The following UGT2B4 variants were observed in gnomAD, a reference collection of about 807,000 sequenced individuals.
UGT2B4 encodes UDP glucuronosyltransferase family 2 member B4, also known as UDP-glucuronosyltransferase 2B4.
In UGT2B4, 49 loss-of-function variants were observed where a neutral mutation model predicts 49.8. That is an observed-to-expected ratio of 0.98 (90% confidence interval 0.78 to 1.25). UGT2B4 has a LOEUF of 1.25. Among genes scored for constraint, UGT2B4 ranks in the 50% most tolerant of loss-of-function variants. UGT2B4 has a pLI of 0.00. For missense variants in UGT2B4, 729 were observed against 627.7 expected, an observed-to-expected ratio of 1.16 and a Z score of -1.73; for synonymous variants, 246 against 217.7, an observed-to-expected ratio of 1.13 and a Z score of -1.14.
intron 4 of UGT2B4, among the ~76,000 whole-genome samples, chr4:69,485,857 G>A (rs1219734739): frequency 6.6e-6 from 1 of 152,154 alleles, no homozygotes; most frequent in Non-Finnish European, 1.5e-5. Context: ...CATCTCCTGG[G>A]TTCAGGCAGT....
chr4:69,486,762 C>G lies in UGT2B4; in HGVS notation c.1003-66G>C, dbSNP rs1162072841. Reference sequence around the variant, plus strand: ...TCAAAAGTCATAGAATGTTAGAAATCTAAAGAGATTAACAATGAGAAGAAC... The same window carrying G: ...TCAAAAGTCATAGAATGTTAGAAATGTAAAGAGATTAACAATGAGAAGAAC... On this transcript the variant is annotated intron_variant, in intron 3 of 5. Transcript: ENST00000305107. 2.4e-6 allele frequency: 3 copies of G among 1,240,932 alleles called. No homozygotes were observed. In the African/African-American group the frequency reaches 4.6e-5, roughly 19 times the overall value. The allele number at this position is 1,240,932 out of a possible 1,614,324, so 76.9% of individuals were successfully genotyped here.
intron 1 of UGT2B4, among the ~76,000 whole-genome samples, chr4:69,512,183 G>A (rs757411757): frequency 6.6e-6 from 1 of 151,124 alleles, no homozygotes; most frequent in Non-Finnish European, 1.5e-5. Flanking sequence ...TTCTGCCAAC[G>A]TTGGGCTTAG....
At chr4:69,481,982 C>T (rs2109801118) in intron 5 of UGT2B4, among the ~76,000 whole-genome samples, 1 of 152,308 alleles carries the variant, frequency 6.6e-6, no homozygotes, top group East Asian at 1.9e-4. Context: ...AAATCCAACT[C>T]TGTTATTTGG....
chr4:69,525,842 C>T, exon 1 of UGT2B4: 1 of 716,498 alleles, frequency 1.4e-6, no homozygotes, highest in Non-Finnish European at 1.9e-6. Flanking sequence ...TGGCTCACAC[C>T]GTTAATCCCA....
intron 1 of UGT2B4, among the ~76,000 whole-genome samples, chr4:69,508,870 A>C (rs9991662): frequency 0.59 from 88,749 of 151,484 alleles, 26,666 homozygotes; most frequent in East Asian, 0.75. Flanking sequence ...ATATATTTTA[A>C]GTGTAAAATA....
intron 1 of UGT2B4, among the ~76,000 whole-genome samples, chr4:69,505,852 G>A (rs1187970899): frequency 6.6e-6 from 1 of 152,100 alleles, no homozygotes; most frequent in Non-Finnish European, 1.5e-5. Context: ...AATTGAAAGT[G>A]TAACAAATAA....
chr4:69,493,025 G>A (rs190502229), intron 2 of UGT2B4, among the ~76,000 whole-genome samples: 67 of 152,086 alleles, frequency 4.4e-4, no homozygotes, highest in Admixed American at 7.9e-4. Flanking sequence ...CAACTCCTGA[G>A]GAGTATCTGG....
intron 1 of UGT2B4, among the ~76,000 whole-genome samples, chr4:69,521,512 G>A (rs1728848744): frequency 6.6e-6 from 1 of 152,204 alleles, no homozygotes; most frequent in South Asian, 2.1e-4. Flanking sequence ...GGTGCCTGGA[G>A]CTGCCCACCT....
intron 3 of UGT2B4, among the ~76,000 whole-genome samples, chr4:69,488,812 C>G (rs1270566381): frequency 1.3e-5 from 2 of 152,066 alleles, no homozygotes; most frequent in East Asian, 1.9e-4. Context: ...TCCAGTCCAG[C>G]AAAGCAGGCT....
chr4:69,487,795 T>C (rs1165254934), intron 3 of UGT2B4, among the ~76,000 whole-genome samples: 1 of 152,122 alleles, frequency 6.6e-6, no homozygotes, highest in East Asian at 1.9e-4. Context: ...AATAATTATA[T>C]GCATTAAAAA....
At chr4:69,498,392 C>T (rs1728220740), upstream of UGT2B4, among the ~76,000 whole-genome samples, 1 of 152,092 alleles carries the variant, frequency 6.6e-6, no homozygotes, top group South Asian at 2.1e-4. Flanking sequence ...TGAGTAAATA[C>T]AGCACCTTCA....
At chr4:69,525,697 C>T (rs565463651) in exon 1 of UGT2B4, 6 of 1,279,466 alleles carry the variant, frequency 4.7e-6, no homozygotes, top group Admixed American at 4.7e-5. Flanking sequence ...CTAATCCATT[C>T]GTTGATGAGA....
At chr4:69,481,850 C>A (rs1480578040) in intron 5 of UGT2B4, among the ~76,000 whole-genome samples, 1 of 152,142 alleles carries the variant, frequency 6.6e-6, no homozygotes, top group African/African-American at 2.4e-5. Context: ...TGCTTCTATT[C>A]TACTCTTTGT....
chr4:69,507,423 C>T (rs890305696), intron 1 of UGT2B4, among the ~76,000 whole-genome samples: 2 of 152,046 alleles, frequency 1.3e-5, no homozygotes, highest in Non-Finnish European at 2.9e-5. Context: ...TATGCACCAG[C>T]AAGAGCCAAG....
chr4:69,525,833 G>T, exon 1 of UGT2B4: 2 of 808,132 alleles, frequency 2.5e-6, no homozygotes, highest in South Asian at 2.0e-5. Flanking sequence ...TGGGCGAGGT[G>T]GCTCACACCG....
Position 69,495,870 on chromosome 4 carries a change from A to C in UGT2B4, c.-9T>G. The C allele has an allele frequency of 6.4e-7, 1 of 1,565,474 alleles. No homozygotes were observed. The highest frequency in any genetic ancestry group is 8.6e-7 in the Non-Finnish European group (1 of 1,159,146). ...GTCCATTTCATAGACATCCTGATGC[A>C]ATGCAATGCTTGTTTTCCAGTTGCT... On this transcript the variant is annotated 5_prime_UTR_variant, in exon 1 of 6. The change creates a new upstream start codon in the 5' untranslated region. Coordinates refer to ENST00000305107, the MANE Select transcript of UGT2B4 (RefSeq NM_021139.3).
intron 3 of UGT2B4, among the ~76,000 whole-genome samples, chr4:69,486,921 T>C (rs541276550): frequency 6.6e-6 from 1 of 152,248 alleles, no homozygotes; most frequent in Non-Finnish European, 1.5e-5. Context: ...AATAAGATAA[T>C]CAATGAAAAG....
At chr4:69,521,748 G>T (rs754421040) in intron 1 of UGT2B4, among the ~76,000 whole-genome samples, 1 of 152,118 alleles carries the variant, frequency 6.6e-6, no homozygotes, top group Admixed American at 6.6e-5. Context: ...GGTTCTGGCT[G>T]GTGAAGCGAT....
rs1258483211 is a variant in UGT2B4, at chr4:69,495,413, G to T, written c.449C>A (p.Ala150Glu). 1 of 1,613,922 alleles carries T rather than the reference G, an allele frequency of 6.2e-7. No homozygotes were observed. Among genetic ancestry groups the T allele is most frequent in the African/African-American group, 1.3e-5 (1 of 75,024 alleles). ...LQESRFDVVL[A>E]DAVFPFGELL... ...CTCACCAAAGGGGAAAACAGCATCT[G>T]CAAGAACAACATCAAATCTTGACTC... Residue 150 changes from alanine (A) to glutamate (E), a missense_variant, in exon 1 of 6, where the codon GCA becomes GAA. Physicochemically the swap from Ala to Glu is moderately radical, Grantham distance 107. Coordinates refer to ENST00000305107, the MANE Select transcript of UGT2B4 (RefSeq NM_021139.3).
Sources: allele counts gnomAD v4.1 joint callset (sites outside exome capture counted in the v4.1 genomes callset), GRCh38; gene constraint gnomAD v4.1.1; transcripts MANE v1.5; gene names NCBI Gene and HGNC (gene_info 2026-07-23, HGNC 2026-07-21).